The following SENP2 variants were observed in gnomAD, a reference collection of about 807,000 sequenced individuals.
SENP2 encodes the protein SUMO specific peptidase 2.
Under a neutral mutation model 86.3 loss-of-function variants are expected in SENP2, and 16 were observed. That is an observed-to-expected ratio of 0.19 (90% CI 0.13 to 0.28). The LOEUF is 0.28. Ranked by LOEUF, SENP2 falls within the 10% of genes least tolerant of loss-of-function variation. The probability of loss-of-function intolerance (pLI) is 1.00; values close to 1 mark genes in which losing one functional copy is unlikely to be tolerated. For missense variants in SENP2, 552 were observed against 703.0 expected (o/e 0.79, Z 2.43); for synonymous variants, 222 against 238.7 (o/e 0.93, Z 0.64).
At chr3:185,621,535 G>A (rs1460070552) in intron 13 of SENP2, among the ~76,000 whole-genome samples, 1 of 151,444 alleles carries the variant, frequency 6.6e-6, no homozygotes, top group African/African-American at 2.4e-5. Flanking sequence ...GATTACAGGC[G>A]CGTGCCATCA....
intron 2 of SENP2, among the ~76,000 whole-genome samples, chr3:185,596,657 T>A (rs1019466067): frequency 6.6e-6 from 1 of 151,996 alleles, no homozygotes; most frequent in African/African-American, 2.4e-5. Flanking sequence ...TATACTTTAC[T>A]TAGCCAAGCT....
intron 5 of SENP2, among the ~76,000 whole-genome samples, chr3:185,602,738 G>T (rs939859808): frequency 6.7e-6 from 1 of 148,770 alleles, no homozygotes; most frequent in African/African-American, 2.5e-5. Flanking sequence ...GGAGGCTGAG[G>T]CAGTAGAATT....
At chr3:185,589,006 GC>G (rs1721892413) in intron 1 of SENP2, among the ~76,000 whole-genome samples, 1 of 152,024 alleles carries the variant, frequency 6.6e-6, no homozygotes, top group South Asian at 2.1e-4. Flanking sequence ...TCAAAATGAA[GC>G]CCGGCAGGGC....
At chr3:185,616,370 C>T (rs1338998955) in intron 11 of SENP2, among the ~76,000 whole-genome samples, 1 of 149,596 alleles carries the variant, frequency 6.7e-6, no homozygotes, top group Non-Finnish European at 1.5e-5. Context: ...AATCAGGAGA[C>T]TGAGGCATGA....
Position 185,630,854 on chromosome 3 carries a change from A to G in SENP2, c.*1010A>G, listed in dbSNP as rs889811970. The G allele has an allele frequency of 8.5e-5, 13 of 152,344 alleles. No homozygotes were observed. Among genetic ancestry groups the G allele is most frequent in the African/African-American group, 3.1e-4 (13 of 41,458 alleles). The allele number at this position is 152,344 out of a possible 1,614,324, so 9.4% of individuals were successfully genotyped here. A position where few individuals can be genotyped will look rare whatever the true frequency, so the allele number is the denominator to read the frequency against. On this transcript the variant is annotated 3_prime_UTR_variant, in exon 17 of 17. Coordinates refer to ENST00000296257, the MANE Select transcript of SENP2 (RefSeq NM_021627.3). Reference sequence around the variant, plus strand: ...AAGTTTTCTACTCATTAAGACTAACATCTCCCCACTCCATCCCCACTGAAA... The same window carrying G: ...AAGTTTTCTACTCATTAAGACTAACGTCTCCCCACTCCATCCCCACTGAAA...
intron 2 of SENP2, among the ~76,000 whole-genome samples, chr3:185,593,771 C>T (rs982797343): frequency 1.3e-5 from 2 of 149,932 alleles, no homozygotes; most frequent in African/African-American, 4.9e-5. Context: ...TCTCGTTGCC[C>T]AAGCTGCAGT....
intron 15 of SENP2, 30 bp downstream of exon 15, chr3:185,624,112 C>G (rs1487291521): frequency 2.0e-6 from 3 of 1,499,218 alleles, no homozygotes; most frequent in East Asian, 4.6e-5. Flanking sequence ...ATGTGACATA[C>G]TTGGTTGCAT....
At chr3:185,623,600 G>C (rs1711991726) in intron 14 of SENP2, among the ~76,000 whole-genome samples, 1 of 151,802 alleles carries the variant, frequency 6.6e-6, no homozygotes. Context: ...GAGGCAGGCG[G>C]GATCACAGGC....
chr3:185,613,153 A>G (rs1722749662), intron 9 of SENP2, among the ~76,000 whole-genome samples, 192 bp from the exon 10 acceptor site: 1 of 152,242 alleles, frequency 6.6e-6, no homozygotes, highest in African/African-American at 2.4e-5. Context: ...TGTGCCCAAG[A>G]CCATAAAACC....
chr3:185,606,676 C>T (rs1722523609), intron 6 of SENP2, 178 bp downstream of exon 6: 3 of 590,064 alleles, frequency 5.1e-6, no homozygotes, highest in Admixed American at 6.1e-5. Flanking sequence ...CTGCATGCAG[C>T]ATGTGCCCAG....
chr3:185,626,964 A>G (rs1712174288), intron 16 of SENP2, among the ~76,000 whole-genome samples: 1 of 151,552 alleles, frequency 6.6e-6, no homozygotes, highest in African/African-American at 2.4e-5. Flanking sequence ...AATCCCAGCT[A>G]CTAGGGAGGC....
At chr3:185,628,047 A>G (rs927215330) in intron 16 of SENP2, among the ~76,000 whole-genome samples, 29 of 152,210 alleles carry the variant, frequency 1.9e-4, no homozygotes, top group Non-Finnish European at 2.6e-4. Flanking sequence ...AGTTTTTACT[A>G]GATGTTTTGA....
intron 13 of SENP2, among the ~76,000 whole-genome samples, chr3:185,619,970 G>T (rs1711782412): frequency 6.6e-6 from 1 of 151,738 alleles, no homozygotes; most frequent in Non-Finnish European, 1.5e-5. Context: ...CTGGCCTCAA[G>T]TGGTTCTCCT....
chr3:185,616,902 A>G (rs1173207415), intron 11 of SENP2, among the ~76,000 whole-genome samples: 4 of 152,132 alleles, frequency 2.6e-5, no homozygotes, highest in African/African-American at 9.7e-5. Context: ...ATGACTTTGA[A>G]TATGTAAAAT....
chr3:185,609,061 G>A (rs1167665333), intron 6 of SENP2, 186 bp from the exon 7 acceptor site: 1 of 510,492 alleles, frequency 2.0e-6, no homozygotes, highest in Admixed American at 3.4e-5. Context: ...CCTACATATA[G>A]ATTGTGGATT....
intron 6 of SENP2, chr3:185,606,760 A>G (rs1321244120): frequency 1.9e-6 from 1 of 520,298 alleles, no homozygotes; most frequent in Non-Finnish European, 3.5e-6. Flanking sequence ...AGCAAGGCCT[A>G]TAGCGGCCAC....
intron 1 of SENP2, among the ~76,000 whole-genome samples, chr3:185,588,220 G>T (rs1721863346): frequency 6.7e-6 from 1 of 150,196 alleles, no homozygotes. Context: ...ACCACGCCCA[G>T]CTAATTTTTT....
rs1712504486 is a variant in SENP2 at position 185,632,154 on chromosome 3, T to G, written c.*2310T>G. On this transcript the variant is annotated 3_prime_UTR_variant, in exon 17 of 17. Coordinates refer to ENST00000296257, the MANE Select transcript of SENP2 (RefSeq NM_021627.3). The stretch of plus-strand genomic sequence containing the variant: ...TATTTGGATCTAAAAGTTTAAGTGT[T>G]CAGTTGAAAAACAGCTATTGATTTT... The G allele has an allele frequency of 6.6e-6, 1 of 151,676 alleles. No homozygotes were observed. Among genetic ancestry groups the G allele is most frequent in the Non-Finnish European group, 1.5e-5 (1 of 67,926 alleles). The allele number at this position is 151,676 out of a possible 1,614,324, so 9.4% of individuals were successfully genotyped here. A position where few individuals can be genotyped will look rare whatever the true frequency, so the allele number is the denominator to read the frequency against.
At position 185,592,011 on chromosome 3, in the gene SENP2, C is replaced by CTTTTTTTTTTTTTTTTTTTTTTTTTTT. The variant is rs149268515; in HGVS notation, c.157+1865_157+1866insTTTTTTTTTTTTTTTTTTTTTTTTTTT. On this transcript the variant is annotated intron_variant, in intron 2 of 16. Transcript: ENST00000296257. ...CTGTCTTTAAGAACCGGTAATATTT[C>CTTTTTTTTTTTTTTTTTTTTTTTTTTT]TTTTTTTTTTTTTTTTTTTTTTTGA... Among the ~76,000 whole-genome samples the CTTTTTTTTTTTTTTTTTTTTTTTTTTT allele has an allele frequency of 3.0e-5, 2 of 65,802 alleles. 1 individual carries two copies. Among genetic ancestry groups the CTTTTTTTTTTTTTTTTTTTTTTTTTTT allele is most frequent in the Non-Finnish European group, 5.4e-5 (2 of 36,704 alleles). 43.2% of individuals were successfully genotyped at this position (65,802 alleles called of 152,430 possible). A position where few individuals can be genotyped will look rare whatever the true frequency, so the allele number is the denominator to read the frequency against.
Sources: gnomAD v4.1 joint callset for allele counts (sites outside exome capture counted in the v4.1 genomes callset) on GRCh38, gnomAD v4.1.1 for gene constraint, MANE v1.5 for transcripts, NCBI Gene and HGNC (gene_info 2026-07-23, HGNC 2026-07-21) for gene names.